FOXP1: variants seen among roughly 807,000 people sequenced by gnomAD.
FOXP1 encodes forkhead box protein P1.
In FOXP1, 15 loss-of-function variants were observed where a neutral mutation model predicts 98.2. The observed-to-expected ratio is 0.15, with a 90% CI of 0.10 to 0.24. The LOEUF is 0.24. Ranked by LOEUF, FOXP1 falls within the 10% of genes least tolerant of loss-of-function variation. The probability of loss-of-function intolerance (pLI) is 1.00; values close to 1 mark genes in which losing one functional copy is unlikely to be tolerated. For missense variants in FOXP1, 633 were observed against 848.5 expected (o/e 0.75, Z 3.15); for synonymous variants, 371 against 314.5 (o/e 1.18, Z -1.90).
intron 5 of FOXP1, among the ~76,000 whole-genome samples, chr3:71,274,247 G>A (rs1309530966): frequency 6.6e-6 from 1 of 152,140 alleles, no homozygotes; most frequent in African/African-American, 2.4e-5. Flanking sequence ...TAACTATGTT[G>A]CAAACAGGAA....
At chr3:71,375,491 T>C (rs2079648112) in intron 3 of FOXP1, among the ~76,000 whole-genome samples, 4 of 152,204 alleles carry the variant, frequency 2.6e-5, no homozygotes, top group South Asian at 2.1e-4. Context: ...TACCTTACCT[T>C]AGGAAACGTA....
chr3:71,505,415 C>CT (rs66459828), intron 2 of FOXP1, among the ~76,000 whole-genome samples: 1,045 of 82,086 alleles, frequency 0.013, 24 homozygotes, highest in African/African-American at 0.024. Context: ...AAGAGGGATG[C>CT]TTTTTTTTTT....
intron 6 of FOXP1, among the ~76,000 whole-genome samples, chr3:71,159,666 T>G (rs1032063510): frequency 6.6e-6 from 1 of 152,136 alleles, no homozygotes; most frequent in African/African-American, 2.4e-5. Context: ...AGCAGTCCTT[T>G]CTATGATATT....
chr3:71,291,254 C>T (rs924790378), intron 5 of FOXP1, among the ~76,000 whole-genome samples: 2 of 152,164 alleles, frequency 1.3e-5, no homozygotes, highest in African/African-American at 2.4e-5. Context: ...AACTGTGACG[C>T]TTTTCAGAAG....
At chr3:71,451,478 A>C (rs2086948876) in intron 3 of FOXP1, among the ~76,000 whole-genome samples, 2 of 152,230 alleles carry the variant, frequency 1.3e-5, no homozygotes, top group Admixed American at 6.5e-5. Flanking sequence ...TCTGGAATAA[A>C]AGACATCTTA....
chr3:71,465,808 C>T (rs1031996764), intron 3 of FOXP1, among the ~76,000 whole-genome samples: 1 of 152,178 alleles, frequency 6.6e-6, no homozygotes, highest in African/African-American at 2.4e-5. Flanking sequence ...GGCAAGCAAG[C>T]ATTACAGCCT....
chr3:71,281,942 C>CAAAAAAA (rs34561352), intron 5 of FOXP1, among the ~76,000 whole-genome samples: 1 of 137,734 alleles, frequency 7.3e-6, no homozygotes, highest in Non-Finnish European at 1.6e-5. Flanking sequence ...ACTAAAAATA[C>CAAAAAAA]AAAAAAAAAA....
At chr3:71,154,652 T>C (rs977300214) in intron 6 of FOXP1, among the ~76,000 whole-genome samples, 4 of 152,220 alleles carry the variant, frequency 2.6e-5, no homozygotes, top group African/African-American at 7.2e-5. Flanking sequence ...TGCTTCGCTG[T>C]GTGACCTTGG....
intron 7 of FOXP1, among the ~76,000 whole-genome samples, chr3:71,090,760 C>G (rs1466512027): frequency 9.2e-5 from 14 of 152,134 alleles, no homozygotes; most frequent in Non-Finnish European, 1.9e-4. Flanking sequence ...GGGTCCTGCA[C>G]AGAAGACCTA....
At chr3:71,029,322 T>G (rs2046550487) in intron 11 of FOXP1, among the ~76,000 whole-genome samples, 1 of 152,162 alleles carries the variant, frequency 6.6e-6, no homozygotes, top group Non-Finnish European at 1.5e-5. Flanking sequence ...GCATTCATTG[T>G]GTTAGAAAAT....
rs1161489431 is a variant in FOXP1, at chr3:70,988,002, G to A, written c.1138C>T (p.Pro380Ser). ...TGGGGATCAATACTTACGGGCTGAGGGGCGGCTTTGGGTTCTGTAGACTTC... is the reference window on the plus strand; with the variant it reads ...TGGGGATCAATACTTACGGGCTGAGAGGCGGCTTTGGGTTCTGTAGACTTC... ...HVKSTEPKAA[P>S]QPLNLVSSVT... The change falls in exon 14 of 21, where the codon CCT (proline) becomes TCT (serine). Residue 380 changes from proline to serine, a missense_variant. Pro to Ser is a moderately conservative substitution (Grantham distance 74, BLOSUM62 -1). Transcript: ENST00000649528. The A allele has an allele frequency of 6.2e-7, 1 of 1,614,064 alleles. No homozygotes were observed. The highest frequency in any genetic ancestry group is 8.5e-7 in the Non-Finnish European group (1 of 1,179,926).
intron 2 of FOXP1, among the ~76,000 whole-genome samples, chr3:71,513,733 C>A (rs1560589705): frequency 6.6e-6 from 1 of 152,174 alleles, no homozygotes; most frequent in Non-Finnish European, 1.5e-5. Flanking sequence ...AGGATAAAGG[C>A]ACTCAGGGCA....
intron 11 of FOXP1, among the ~76,000 whole-genome samples, chr3:71,035,885 G>T (rs2047512275): frequency 6.6e-6 from 1 of 152,090 alleles, no homozygotes; most frequent in Admixed American, 6.5e-5. Context: ...TTAAAGGCTT[G>T]TGTATCTGGA....
At chr3:71,227,418 C>T (rs1277481743) in intron 5 of FOXP1, among the ~76,000 whole-genome samples, 1 of 152,174 alleles carries the variant, frequency 6.6e-6, no homozygotes, top group Non-Finnish European at 1.5e-5. Context: ...AGAAACCCCC[C>T]AGAAAACTAT....
chr3:71,129,245 T>A (rs2107903274), intron 6 of FOXP1, among the ~76,000 whole-genome samples: 1 of 152,322 alleles, frequency 6.6e-6, no homozygotes, highest in Non-Finnish European at 1.5e-5. Context: ...CTCCTACTGT[T>A]AAACAAATTG....
At chr3:71,205,836 C>T (rs550438677) in intron 5 of FOXP1, among the ~76,000 whole-genome samples, 8 of 152,214 alleles carry the variant, frequency 5.3e-5, no homozygotes, top group Admixed American at 1.3e-4. Context: ...TGATGACCAA[C>T]GCAAGCAAGG....
rs1019255512 is a variant in FOXP1 at position 71,112,481 on chromosome 3, T to C, written c.282+55A>G. On this transcript the variant is annotated intron_variant, in intron 7 of 20. Transcript: ENST00000649528. ...TCAACACAATCCACTCCTGAACTGC[T>C]TGTCACTTATCCCAAAGGGTATAAT... The C allele has an allele frequency of 3.7e-6, 5 of 1,356,396 alleles. No individual in the cohort carries two copies. In the African/African-American group the frequency reaches 7.2e-5, roughly 19 times the overall value. The allele number at this position is 1,356,396 out of a possible 1,614,324, so 84.0% of individuals were successfully genotyped here.
chr3:70,972,100 A>G, intron 18 of FOXP1: 1 of 1,532,778 alleles, frequency 6.5e-7, no homozygotes, highest in Non-Finnish European at 8.7e-7. Context: ...ACTCTTCATC[A>G]TCAACTGTCC....
intron 3 of FOXP1, among the ~76,000 whole-genome samples, chr3:71,368,387 A>G (rs1329632234): frequency 1.3e-5 from 2 of 152,310 alleles, no homozygotes; most frequent in Admixed American, 1.3e-4. Flanking sequence ...TTGGCCTCCC[A>G]AAGTGCTGGG....
Sources: allele counts gnomAD v4.1 joint callset (sites outside exome capture counted in the v4.1 genomes callset), GRCh38; gene constraint gnomAD v4.1.1; transcripts MANE v1.5; gene names NCBI Gene and HGNC (gene_info 2026-07-23, HGNC 2026-07-21).